GTPBP1: variants seen among roughly 807,000 people sequenced by gnomAD.
GTPBP1 encodes GTP binding protein 1.
Under a neutral mutation model 62.0 loss-of-function variants are expected in GTPBP1, and 23 were observed. That is an observed-to-expected ratio of 0.37 (90% CI 0.27 to 0.53). GTPBP1 has a LOEUF of 0.53. Ranked by LOEUF, GTPBP1 falls within the 20% of genes least tolerant of loss-of-function variation. The probability of loss-of-function intolerance (pLI) is 0.89; values close to 1 mark genes in which losing one functional copy is unlikely to be tolerated. For missense variants in GTPBP1, 640 were observed against 917.3 expected, an observed-to-expected ratio of 0.70 and a Z score of 3.90; for synonymous variants, 344 against 364.4, an observed-to-expected ratio of 0.94 and a Z score of 0.64.
At chr22:38,742,756 C>T, downstream of GTPBP1, 2 of 626,572 alleles carry the variant, frequency 3.2e-6, no homozygotes, top group Non-Finnish European at 5.4e-6. Flanking sequence ...CCAGGGATCA[C>T]TGGGTGCCGG....
chr22:38,741,680 A>G, downstream of GTPBP1: 1 of 1,027,252 alleles, frequency 9.7e-7, no homozygotes. Context: ...TTGCTTCCAG[A>G]GCCCTGGCTC....
chr22:38,735,015 C>T (rs1170618635), downstream of GTPBP1: 1 of 296,950 alleles, frequency 3.4e-6, no homozygotes, highest in Non-Finnish European at 6.7e-6. Flanking sequence ...TCTCCACGGC[C>T]AGGAACAAGA....
chr22:38,723,133 A>G (rs2092709557), intron 5 of GTPBP1: 2 of 791,912 alleles, frequency 2.5e-6, no homozygotes, highest in Admixed American at 1.8e-5. Flanking sequence ...CACAGTTCAC[A>G]TCATGAAATT....
At chr22:38,723,510 G>T in intron 5 of GTPBP1, 1 of 684,914 alleles carries the variant, frequency 1.5e-6, no homozygotes, top group South Asian at 1.7e-5. Context: ...ACCATCTTCA[G>T]TGCACGCGGG....
downstream of GTPBP1, chr22:38,740,481 TA>T: frequency 7.1e-7 from 1 of 1,416,874 alleles, no homozygotes; most frequent in Non-Finnish European, 9.3e-7. The surrounding 1 kb of genome is among the most constrained non-coding windows in gnomAD (Gnocchi z 4.8). Context: ...TGGTGGGAGG[TA>T]AGGCCACACC....
downstream of GTPBP1, chr22:38,737,870 C>T (rs1971535861): frequency 8.4e-6 from 5 of 591,856 alleles, no homozygotes; most frequent in East Asian, 8.0e-5. The surrounding 1 kb of genome is among the most constrained non-coding windows in gnomAD (Gnocchi z 4.1). Context: ...GCGGCGGCTC[C>T]TCGAACGCCT....
At chr22:38,740,451 G>A, downstream of GTPBP1, 2 of 1,467,518 alleles carry the variant, frequency 1.4e-6, no homozygotes, top group East Asian at 5.0e-5. The surrounding 1 kb of genome is among the most constrained non-coding windows in gnomAD (Gnocchi z 4.8). Flanking sequence ...AGAGAGAGAA[G>A]AGTAAGCCTC....
downstream of GTPBP1, chr22:38,739,321 C>A: frequency 6.2e-7 from 1 of 1,611,906 alleles, no homozygotes; most frequent in Non-Finnish European, 8.5e-7. This position sits in a 1 kb window ranked among gnomAD's most constrained non-coding sequence, Gnocchi z 6.7. Flanking sequence ...CAAGGCAGAG[C>A]GAGGAAAGCA....
rs1569278429 is a variant in GTPBP1 at position 38,716,325 on chromosome 22, C to A, written c.485+238C>A. On this transcript the variant is annotated intron_variant, in intron 3 of 11. Transcript: ENST00000216044. The surrounding 1 kb of genome is among the most constrained non-coding windows in gnomAD (Gnocchi z 5.2). ...CATTCTCTGTGGGTGTGTTTCTTTT[C>A]CCTTCAGCCTGTGAGCCTGGAAACC... 3.4e-6 allele frequency: 2 copies of A among 585,318 alleles called. No individual in the cohort carries two copies. Among genetic ancestry groups the A allele is most frequent in the Non-Finnish European group, 6.1e-6 (2 of 330,248 alleles). The allele number at this position is 585,318 out of a possible 1,614,324, so 36.3% of individuals were successfully genotyped here.
downstream of GTPBP1, chr22:38,738,612 C>G: frequency 6.2e-7 from 1 of 1,613,810 alleles, no homozygotes; most frequent in South Asian, 1.1e-5. The surrounding 1 kb of genome is among the most constrained non-coding windows in gnomAD (Gnocchi z 6.6). Flanking sequence ...CTTGGGGGCA[C>G]TGGAGATAGT....
chr22:38,706,431 G>A (rs1362548123), intron 1 of GTPBP1: 1 of 275,152 alleles, frequency 3.6e-6, no homozygotes, highest in Non-Finnish European at 6.8e-6. Context: ...CTGCCACGTG[G>A]AACGGGGGCG....
In GTPBP1 at chr22:38,729,535, G is replaced by T; in HGVS notation, c.1790G>T (p.Gly597Val). The change falls in exon 11 of 12, where the codon GGC becomes GTC. Residue 597 changes from glycine to valine, a missense_variant. Around this residue, in one of 4 missense-constraint regions of GTPBP1, gnomAD observed 117 missense variants for 107.1 expected, o/e 1.09. Coordinates refer to ENST00000216044, the MANE Select transcript of GTPBP1 (RefSeq NM_004286.5). ...QQIKMQSTKK[G>V]PLTKRDEGGP... ...ATTAAAATGCAGTCGACGAAAAAGGGCCCCCTGACGAAACGAGACGAGGGG... is the reference window on the plus strand; with the variant it reads ...ATTAAAATGCAGTCGACGAAAAAGGTCCCCCTGACGAAACGAGACGAGGGG... The T allele has an allele frequency of 6.2e-7, 1 of 1,609,212 alleles. No individual in the cohort carries two copies. The highest frequency in any genetic ancestry group is 1.1e-5 in the South Asian group (1 of 90,502).
chr22:38,712,485 G>C (rs1398534090), intron 2 of GTPBP1, among the ~76,000 whole-genome samples: 1 of 152,170 alleles, frequency 6.6e-6, no homozygotes, highest in African/African-American at 2.4e-5. Flanking sequence ...CTTTTATTCT[G>C]AGAGTCTAGG....
downstream of GTPBP1, chr22:38,734,789 A>T (rs938787934): frequency 5.6e-6 from 1 of 178,322 alleles, no homozygotes; most frequent in African/African-American, 2.4e-5. Context: ...GAGATAAAAA[A>T]CTTAAGAACC....
intron 2 of GTPBP1, among the ~76,000 whole-genome samples, chr22:38,712,594 G>A (rs2092646133): frequency 6.6e-6 from 1 of 152,160 alleles, no homozygotes; most frequent in Non-Finnish European, 1.5e-5. Flanking sequence ...CTGAGTATGT[G>A]GCCTTTAGTA....
chr22:38,733,941 C>A (rs2092779299), downstream of GTPBP1, among the ~76,000 whole-genome samples: 2 of 152,206 alleles, frequency 1.3e-5, no homozygotes, highest in Admixed American at 1.3e-4. Flanking sequence ...TTTATTGGTG[C>A]TGCGTGGGGA....
chr22:38,721,679 G>C, intron 4 of GTPBP1, 63 bp from the exon 5 acceptor site: 1 of 1,536,072 alleles, frequency 6.5e-7, no homozygotes, highest in South Asian at 1.2e-5. Context: ...TTGAGCCCCT[G>C]TGTCCACCCA....
intron 6 of GTPBP1, among the ~76,000 whole-genome samples, chr22:38,725,654 A>G (rs1448747596): frequency 6.6e-6 from 1 of 152,182 alleles, no homozygotes; most frequent in Non-Finnish European, 1.5e-5. Flanking sequence ...GATTTGGGGT[A>G]TCTTCTCTGT....
At chr22:38,713,847 G>C (rs995210800) in intron 2 of GTPBP1, among the ~76,000 whole-genome samples, 4 of 152,202 alleles carry the variant, frequency 2.6e-5, no homozygotes, top group African/African-American at 9.7e-5. Context: ...AGACTTCTAG[G>C]AGTTATCCAG....
Sources: gnomAD v4.1 joint callset for allele counts (sites outside exome capture counted in the v4.1 genomes callset) on GRCh38, gnomAD v4.1.1 for gene constraint, gnomAD v4.1.1 regional missense constraint, Gnocchi (gnomAD v3.1) non-coding constraint, MANE v1.5 for transcripts, NCBI Gene and HGNC (gene_info 2026-07-23, HGNC 2026-07-21) for gene names.